Variants in LRP1B observed in about 807,000 individuals in gnomAD.
LRP1B encodes the protein LDL receptor related protein 1B, also known as low-density lipoprotein receptor-related protein 1B.
A neutral mutation model predicts 556.6 loss-of-function variants in LRP1B; 217 were observed. The observed-to-expected ratio is 0.39, with a 90% CI of 0.35 to 0.44. LRP1B has a LOEUF of 0.44. Ranked by LOEUF, LRP1B falls within the 20% of genes least tolerant of loss-of-function variation. The pLI, the probability that LRP1B is intolerant of heterozygous loss-of-function variation, is 1.00. For missense variants in LRP1B, 5,053 were observed against 5,620.8 expected (o/e 0.90, Z 3.23); for synonymous variants, 2,047 against 1,865.8 (o/e 1.10, Z -2.50).
At chr2:140,243,787 C>CT (rs1477549630) in intron 87 of LRP1B, among the ~76,000 whole-genome samples, 1 of 151,064 alleles carries the variant, frequency 6.6e-6, no homozygotes, top group Non-Finnish European at 1.5e-5. Context: ...CTGGACATGT[C>CT]TAACTCTTTC....
At chr2:140,550,936 C>T (rs186046081) in intron 43 of LRP1B, among the ~76,000 whole-genome samples, 1 of 151,988 alleles carries the variant, frequency 6.6e-6, no homozygotes, top group East Asian at 1.9e-4. Flanking sequence ...TAGGTGGGGC[C>T]CCAGTGATGT....
intron 2 of LRP1B, among the ~76,000 whole-genome samples, chr2:141,505,126 T>C (rs1250078730): frequency 6.6e-6 from 1 of 151,588 alleles, no homozygotes; most frequent in Non-Finnish European, 1.5e-5. Flanking sequence ...CCCCTCTCTC[T>C]CTTCCCCTCC....
In LRP1B at chr2:141,108,334, C is replaced by CTTTT. The variant is rs60275697; in HGVS notation, c.1014-46065_1014-46062dup. On this transcript the variant is annotated intron_variant, in intron 7 of 90. Transcript: ENST00000389484. ...ACAAAAATATGTTTATAATCTGTTT[C>CTTTT]TTTTTTTTTTTTTTTTTTTTTTTTT... 9.4e-3 allele frequency among the ~76,000 whole-genome samples: 832 copies of CTTTT among 88,366 alleles called. 96 individuals carry two copies. Among genetic ancestry groups the CTTTT allele is most frequent in the African/African-American group, 0.011 (222 of 20,694 alleles). 58.0% of individuals were successfully genotyped at this position (88,366 alleles called of 152,430 possible). A position where few individuals can be genotyped will look rare whatever the true frequency, so the allele number is the denominator to read the frequency against.
chr2:141,810,113 A>AAAAGAAAG (rs67681645), intron 2 of LRP1B, among the ~76,000 whole-genome samples, 166 bp downstream of exon 2: 9,822 of 77,160 alleles, frequency 0.13, 409 homozygotes, highest in Admixed American at 0.13. Flanking sequence ...GAAAGAAAGA[A>AAAAGAAAG]AAAGAAAGAA....
At chr2:140,817,291 A>G (rs1297496724) in intron 31 of LRP1B, among the ~76,000 whole-genome samples, 1 of 152,036 alleles carries the variant, frequency 6.6e-6, no homozygotes, top group African/African-American at 2.4e-5. Context: ...TCAAAAGAGG[A>G]AATCTAGATC....
intron 2 of LRP1B, among the ~76,000 whole-genome samples, chr2:141,690,392 T>TATAAATAAATAAATAAATAA (rs1553448655): frequency 5.7e-5 from 2 of 34,882 alleles, no homozygotes; most frequent in African/African-American, 2.1e-4. Flanking sequence ...GGATTACATC[T>TATAAATAAATAAATAAATAA]ATAAATATAT....
Position 140,716,698 on chromosome 2 carries a change from A to C in LRP1B, c.5877T>G (p.Ala1959=), listed in dbSNP as rs752789772. ...TNGLGRVEGI[A]VDWIAGNIYW... is the part of the protein sequence containing the mutation. ...GGATTATACCAGCAATCCAGTCAACAGCTATCCCTTCCACTCTTCCCAAGC... is the reference window on the plus strand; with the variant it reads ...GGATTATACCAGCAATCCAGTCAACCGCTATCCCTTCCACTCTTCCCAAGC... Residue 1959 remains alanine (A), a synonymous_variant, in exon 36 of 91, where the codon GCT becomes GCG. Coordinates refer to ENST00000389484, the MANE Select transcript of LRP1B (RefSeq NM_018557.3). The C allele has an allele frequency of 5.0e-6, 8 of 1,610,802 alleles. No individual in the cohort carries two copies.
intron 20 of LRP1B, among the ~76,000 whole-genome samples, chr2:140,933,294 C>T (rs10928079): frequency 0.12 from 18,087 of 152,020 alleles, 1,621 homozygotes; most frequent in East Asian, 0.25. Flanking sequence ...ATACCAACTA[C>T]TTCTCAAAGA....
chr2:141,333,246 C>T (rs978254720), intron 3 of LRP1B, among the ~76,000 whole-genome samples: 1 of 152,018 alleles, frequency 6.6e-6, no homozygotes, highest in African/African-American at 2.4e-5. Flanking sequence ...GGATAAACGC[C>T]ATGGCACTAA....
intron 6 of LRP1B, chr2:141,207,961 C>G (rs1313407826): frequency 1.3e-5 from 2 of 152,316 alleles, no homozygotes; most frequent in South Asian, 2.1e-4. Flanking sequence ...CAGGCGTGAG[C>G]CGCCGTGTCC....
chr2:141,403,844 TC>T lies in LRP1B; in HGVS notation c.343+76551del, dbSNP rs562974510. 1.7e-3 allele frequency among the ~76,000 whole-genome samples: 254 copies of T among 152,280 alleles called. 1 individual carries two copies. Among genetic ancestry groups the T allele is most frequent in the African/African-American group, 5.8e-3 (240 of 41,566 alleles). On this transcript the variant is annotated intron_variant, in intron 3 of 90. Coordinates refer to ENST00000389484, the MANE Select transcript of LRP1B (RefSeq NM_018557.3). Reference sequence around the variant, plus strand: ...TCTCACATGTATGTATAGACAGACTTCAAGGCAGAGGCCAGTCGCTCCCCTG... The same window carrying T: ...TCTCACATGTATGTATAGACAGACTTAAGGCAGAGGCCAGTCGCTCCCCTG...
intron 4 of LRP1B, 45 bp downstream of exon 4, chr2:141,254,477 A>C (rs1684385886): frequency 6.3e-7 from 1 of 1,598,916 alleles, no homozygotes; most frequent in Non-Finnish European, 8.6e-7. Flanking sequence ...TCTGTTAACT[A>C]AGCCTCTATA....
intron 10 of LRP1B, 44 bp from the exon 11 acceptor site, chr2:141,049,266 A>G (rs187684856): frequency 3.1e-6 from 4 of 1,280,682 alleles, no homozygotes; most frequent in Non-Finnish European, 3.4e-6. Context: ...ATGCTGCTTA[A>G]TCTTCTTTAC....
At chr2:140,773,781 T>G (rs1689398782) in intron 33 of LRP1B, among the ~76,000 whole-genome samples, 1 of 151,838 alleles carries the variant, frequency 6.6e-6, no homozygotes. Flanking sequence ...TAAAAAATAA[T>G]GAAATGAATT....
chr2:141,069,953 C>G (rs1336446125), intron 7 of LRP1B, among the ~76,000 whole-genome samples: 1 of 127,412 alleles, frequency 7.8e-6, no homozygotes, highest in Non-Finnish European at 1.6e-5. Context: ...TACCTCCCCC[C>G]TCCCCCCACC....
At chr2:140,279,995 G>A (rs1474369606) in intron 84 of LRP1B, among the ~76,000 whole-genome samples, 1 of 151,792 alleles carries the variant, frequency 6.6e-6, no homozygotes, top group Non-Finnish European at 1.5e-5. Flanking sequence ...TTATTTGTAT[G>A]AACTTACCTT....
chr2:141,137,579 C>T (rs1363696871), intron 7 of LRP1B, among the ~76,000 whole-genome samples: 5 of 151,820 alleles, frequency 3.3e-5, no homozygotes, highest in South Asian at 4.1e-4. Context: ...CATTATCTCA[C>T]GTACTTATTA....
chr2:140,631,487 G>A (rs868685022), intron 41 of LRP1B, among the ~76,000 whole-genome samples: 6 of 152,188 alleles, frequency 3.9e-5, no homozygotes, highest in Admixed American at 1.3e-4. Flanking sequence ...AAAGTAAGTG[G>A]TGGAAATAAA....
At chr2:140,746,847 C>A (rs1435361295) in intron 35 of LRP1B, among the ~76,000 whole-genome samples, 1 of 150,080 alleles carries the variant, frequency 6.7e-6, no homozygotes, top group African/African-American at 2.5e-5. Flanking sequence ...TGTTCATTAA[C>A]AACAAAGAAG....
Sources: allele counts gnomAD v4.1 joint callset (sites outside exome capture counted in the v4.1 genomes callset), GRCh38; gene constraint gnomAD v4.1.1; transcripts MANE v1.5; gene names NCBI Gene and HGNC (gene_info 2026-07-23, HGNC 2026-07-21).